RGN: variants seen among roughly 807,000 people sequenced by gnomAD.
RGN encodes regucalcin.
Under a neutral mutation model 20.6 loss-of-function variants are expected in RGN, and 19 were observed. The observed-to-expected ratio is 0.92, with a 90% confidence interval of 0.64 to 1.35. The LOEUF (loss-of-function observed/expected upper bound fraction) is 1.35, where lower values mean the gene tolerates loss of function less well. Among genes scored for constraint, RGN ranks in the 40% most tolerant of loss-of-function variants. The pLI, the probability that RGN is intolerant of heterozygous loss-of-function variation, is 0.00. For missense variants in RGN, 302 were observed against 232.7 expected, an observed-to-expected ratio of 1.30 and a Z score of -1.94; for synonymous variants, 85 against 87.2, an observed-to-expected ratio of 0.97 and a Z score of 0.14.
In RGN at chrX:47,078,542, G is replaced by A. The variant is rs1556379913; in HGVS notation, c.-803G>A. On this transcript the variant is annotated 5_prime_UTR_variant, in exon 1 of 8. Transcript: ENST00000397180. ...CTGCTCTGTGCCCACCCGGGGACCC[G>A]GGCCCGTTCAGCCGGGCTGGCTGGT... The A allele has an allele frequency of 8.8e-6, 1 of 113,061 alleles. No individual in the cohort carries two copies. Among genetic ancestry groups the A allele is most frequent in the African/African-American group, 3.2e-5 (1 of 31,182 alleles). 9.3% of individuals were successfully genotyped at this position (113,061 alleles called of 1,213,427 possible).
Position 47,092,907 on chromosome X carries a change from TG to T in RGN, c.865del (p.Val289SerfsTer32). The T allele has an allele frequency of 8.3e-7, 1 of 1,206,603 alleles. No individual in the cohort carries two copies. The highest frequency in any genetic ancestry group is 1.1e-6 in the Non-Finnish European group (1 of 891,092). On this transcript the variant is annotated frameshift_variant, in exon 8 of 8. Transcript: ENST00000397180. LOFTEE classifies it high-confidence loss of function. ...EAGGIFKITGLGVKGIAPYSY... is the reference protein window; with the variant it reads ...EAGGIFKITGXGVKGIAPYSY... ...TTTCTTTTTCAACAGATAACTGGTC[TG>T]GGGGTCAAAGGAATTGCTCCCTACT...
chrX:47,084,458 CTA>C lies in RGN; in HGVS notation c.206_207del (p.Tyr69CysfsTer26), dbSNP rs868968847. 1 of 1,206,031 alleles carries C rather than the reference CTA, an allele frequency of 8.3e-7. No individual in the cohort carries two copies. Among genetic ancestry groups the C allele is most frequent in the Non-Finnish European group, 1.1e-6 (1 of 892,427 alleles). Reference sequence around the variant, plus strand: ...CCGTGGCTCTTCGCCAGTCGGGAGGCTATGTTGCCACCATTGGAACAAAGTTC... The same window carrying C: ...CCGTGGCTCTTCGCCAGTCGGGAGGCTGTTGCCACCATTGGAACAAAGTTC... ...SSVALRQSGG[Y>X]VATIGTKFCA... is the part of the protein sequence containing the mutation. On this transcript the variant is annotated frameshift_variant, in exon 4 of 8. Coordinates refer to ENST00000397180, the MANE Select transcript of RGN (RefSeq NM_152869.4). LOFTEE classifies it high-confidence loss of function.
Position 47,093,120 on chromosome X carries a change from T to C in RGN, c.*173T>C, listed in dbSNP as rs1292384894. ...ATTTTTAACAAGGGGTGACAGGTGGTTTTGATAACACACTTATAAGGCTTT... is the reference window on the plus strand; with the variant it reads ...ATTTTTAACAAGGGGTGACAGGTGGCTTTGATAACACACTTATAAGGCTTT... On this transcript the variant is annotated 3_prime_UTR_variant, in exon 8 of 8. Transcript: ENST00000397180. 3.6e-5 allele frequency: 16 copies of C among 442,852 alleles called. No homozygotes were observed. The African/African-American group carries it at 3.7e-4, about 10-fold the overall frequency. The allele number at this position is 442,852 out of a possible 1,213,427, so 36.5% of individuals were successfully genotyped here. A position where few individuals can be genotyped will look rare whatever the true frequency, so the allele number is the denominator to read the frequency against.
chrX:47,085,415 G>A (rs1234368237), intron 4 of RGN, among the ~76,000 whole-genome samples: 1 of 110,043 alleles, frequency 9.1e-6, no homozygotes, highest in Non-Finnish European at 1.9e-5. Context: ...TACTCGGGAG[G>A]CTGAGGCAGG....
In RGN at chrX:47,090,004, C is replaced by A. The variant is rs6611330; in HGVS notation, c.562+13C>A. 1.6e-4 allele frequency: 182 copies of A among 1,140,063 alleles called. No homozygotes were observed. In the African/African-American group the frequency reaches 3.2e-3, roughly 20 times the overall value. The allele number at this position is 1,140,063 out of a possible 1,213,427, so 94.0% of individuals were successfully genotyped here. ...ACAGGACAGATCTGTATGTATTTTTCATTATTTGTCTCAGTGCTGCCACTA... is the reference window on the plus strand; with the variant it reads ...ACAGGACAGATCTGTATGTATTTTTAATTATTTGTCTCAGTGCTGCCACTA... On this transcript the variant is annotated intron_variant, in intron 5 of 7. Transcript: ENST00000397180.
rs781935920 is a variant in RGN at position 47,086,734 on chromosome X, G to GGAGAGAGAGA, written c.346+2175_346+2184dup. Reference sequence around the variant, plus strand: ...GCTGCCCCTAGAACCAGTGATAACAGGAGAGAGAGAGAGAGAGAGAGAGAG... The same window carrying GGAGAGAGAGA: ...GCTGCCCCTAGAACCAGTGATAACAGGAGAGAGAGAGAGAGAGAGAGAGAGAGAGAGAGAG... On this transcript the variant is annotated intron_variant, in intron 4 of 7. Coordinates refer to ENST00000397180, the MANE Select transcript of RGN (RefSeq NM_152869.4). Among the ~76,000 whole-genome samples the GGAGAGAGAGA allele has an allele frequency of 4.0e-3, 201 of 50,483 alleles. 5 individuals carry two copies. The highest frequency in any genetic ancestry group is 0.014 in the East Asian group (18 of 1,316). 43.8% of individuals were successfully genotyped at this position (50,483 alleles called of 115,157 possible). A position where few individuals can be genotyped will look rare whatever the true frequency, so the allele number is the denominator to read the frequency against.
At chrX:47,088,931 CAA>C (rs1192707605) in intron 4 of RGN, among the ~76,000 whole-genome samples, 3 of 47,107 alleles carry the variant, frequency 6.4e-5, no homozygotes, top group Admixed American at 2.6e-4. Context: ...AACACTCTGC[CAA>C]AAAAAAAAAA....
intron 6 of RGN, 55 bp from the exon 7 acceptor site, chrX:47,092,006 A>T: frequency 6.4e-6 from 7 of 1,095,628 alleles, no homozygotes; most frequent in Non-Finnish European, 8.7e-6. Context: ...TAGAAACAAT[A>T]CACAGGTTGG....
intron 4 of RGN, among the ~76,000 whole-genome samples, chrX:47,088,564 A>G (rs1930709500): frequency 9.1e-6 from 1 of 110,436 alleles, no homozygotes; most frequent in Non-Finnish European, 1.9e-5. Flanking sequence ...TGAGATTTCC[A>G]TGTTTCTTTG....
intron 3 of RGN, among the ~76,000 whole-genome samples, chrX:47,083,916 C>CAA (rs112133000): frequency 1.8e-5 from 1 of 54,756 alleles, no homozygotes; most frequent in African/African-American, 1.1e-4. Context: ...CTGTCTCAAA[C>CAA]AAAACAAACA....
chrX:47,091,754 G>C lies in RGN; in HGVS notation c.639G>C (p.Lys213Asn). ...GAATGTGTATTGATGCTGAGGGGAA[G>C]CTCTGGGTGGCCTGTTACAATGGAG... ...PDGMCIDAEG[K>N]LWVACYNGGR... Residue 213 changes from lysine (K) to asparagine (N), a missense_variant, in exon 6 of 8, where the codon AAG (lysine) becomes AAC (asparagine). By Grantham distance (94) the Lys-to-Asn change is moderately conservative. Transcript: ENST00000397180. 1.7e-6 allele frequency: 2 copies of C among 1,210,505 alleles called. No individual in the cohort carries two copies. The highest frequency in any genetic ancestry group is 3.5e-5 in the South Asian group (2 of 56,931).
At chrX:47,079,999 TC>T (rs1930225516) in intron 1 of RGN, among the ~76,000 whole-genome samples, 1 of 111,198 alleles carries the variant, frequency 9.0e-6, no homozygotes, top group African/African-American at 3.3e-5. Context: ...TCCTCCCACC[TC>T]AGGCTCCCGA....
chrX:47,079,431 T>A (rs1211821030), intron 1 of RGN, among the ~76,000 whole-genome samples: 1 of 108,488 alleles, frequency 9.2e-6, no homozygotes, highest in Non-Finnish European at 1.9e-5. Flanking sequence ...GTTTTTTTGT[T>A]TTTTTGGTTT....
In RGN at chrX:47,091,792, G is replaced by T. The variant is rs138412897; in HGVS notation, c.677G>T (p.Arg226Leu). 385 of 1,208,027 alleles carry T rather than the reference G, an allele frequency of 3.2e-4. No homozygotes were observed. The African/African-American group carries it at 5.9e-3, about 19-fold the overall frequency. ...TGTTACAATGGAGGAAGAGTGATTC[G>T]TTTAGATCCTGTGACAGGTAGGCCT... ...VACYNGGRVIRLDPVTGKRLQ... is the reference protein window; with the variant it reads ...VACYNGGRVILLDPVTGKRLQ... Residue 226 changes from arginine (R) to leucine (L), a missense_variant, in exon 6 of 8, where the codon CGT becomes CTT. Coordinates refer to ENST00000397180, the MANE Select transcript of RGN (RefSeq NM_152869.4).
chrX:47,083,267 G>A (rs1364273284), intron 3 of RGN, among the ~76,000 whole-genome samples: 2 of 108,713 alleles, frequency 1.8e-5, no homozygotes, highest in East Asian at 5.8e-4. Context: ...AGGCATGGTA[G>A]CACAGCCTGT....
At chrX:47,092,651 C>T (rs1733215856) in intron 7 of RGN, among the ~76,000 whole-genome samples, 1 of 111,835 alleles carries the variant, frequency 8.9e-6, no homozygotes. Flanking sequence ...TCTTAGCAGG[C>T]GGCAGATGAT....
chrX:47,082,753 A>G (rs1259943857), intron 3 of RGN, among the ~76,000 whole-genome samples: 1 of 111,302 alleles, frequency 9.0e-6, no homozygotes, highest in African/African-American at 3.3e-5. Context: ...TGCAGCAGAC[A>G]CACATGCCAA....
chrX:47,080,241 G>T (rs1394337099), intron 1 of RGN, 76 bp from the exon 2 acceptor site: 2 of 112,418 alleles, frequency 1.8e-5, no homozygotes, highest in Non-Finnish European at 1.9e-5. Flanking sequence ...GGTACAGAAA[G>T]AAAAGATTGC....
rs782528182 is a variant in RGN, at chrX:47,092,161, TG to T, written c.798del (p.Met267TrpfsTer7). The T allele has an allele frequency of 7.2e-5, 86 of 1,197,948 alleles. No homozygotes were observed. Among genetic ancestry groups the T allele is most frequent in the Non-Finnish European group, 9.2e-5 (82 of 888,464 alleles). On this transcript the variant is annotated frameshift_variant, in exon 7 of 8. Coordinates refer to ENST00000397180, the MANE Select transcript of RGN (RefSeq NM_152869.4). LOFTEE classifies it high-confidence loss of function. ...AAATGTATGTGACCTGCGCCCGGGA[TG>T]GGATGGACCCCGAGGGTCTTTTGAG... Reference protein sequence around the residue: ...SEMYVTCARDGMDPEGLLRQP... With the variant: ...SEMYVTCARDXMDPEGLLRQP...
Sources: allele counts gnomAD v4.1 joint callset (sites outside exome capture counted in the v4.1 genomes callset), GRCh38; gene constraint gnomAD v4.1.1; transcripts MANE v1.5; gene names NCBI Gene and HGNC (gene_info 2026-07-23, HGNC 2026-07-21).